CSMD1: variants seen among roughly 807,000 people sequenced by gnomAD.
The protein encoded by CSMD1 is CUB and Sushi multiple domains 1, also known as CUB and sushi domain-containing protein 1.
Under a neutral mutation model 417.5 loss-of-function variants are expected in CSMD1, and 213 were observed. The observed-to-expected ratio is 0.51, with a 90% CI of 0.46 to 0.57. The LOEUF (loss-of-function observed/expected upper bound fraction) is 0.57, where lower values mean the gene tolerates loss of function less well. Ranked by LOEUF, CSMD1 falls within the 20% of genes least tolerant of loss-of-function variation. CSMD1 has a pLI of 0.00. For synonymous variants in CSMD1, 2,862 were observed against 1,736.8 expected (o/e 1.65, Z -16.11); for missense variants, 6,923 against 4,529.7 (o/e 1.53, Z -15.17).
intron 49 of CSMD1, among the ~76,000 whole-genome samples, chr8:3,080,630 C>A (rs891589220): frequency 6.6e-6 from 1 of 152,176 alleles, no homozygotes; most frequent in Non-Finnish European, 1.5e-5. Flanking sequence ...CCACTTTGAA[C>A]CCCACAATTC....
At chr8:4,306,747 C>G (rs1367842544) in intron 3 of CSMD1, among the ~76,000 whole-genome samples, 2 of 152,092 alleles carry the variant, frequency 1.3e-5, no homozygotes, top group African/African-American at 4.8e-5. Context: ...CCGACCGCAG[C>G]AGGGTAGTGT....
intron 12 of CSMD1, among the ~76,000 whole-genome samples, chr8:3,422,893 G>A (rs1379516810): frequency 2.0e-5 from 3 of 152,136 alleles, no homozygotes; most frequent in Non-Finnish European, 4.4e-5. Flanking sequence ...TCCAGAGGGA[G>A]GAACACTGTC....
intron 6 of CSMD1, among the ~76,000 whole-genome samples, chr8:3,748,784 C>G (rs1403365061): frequency 6.6e-6 from 1 of 152,148 alleles, no homozygotes. Flanking sequence ...GTATAAAGGT[C>G]TTCATTTTAA....
chr8:3,897,919 T>C (rs909955267), intron 5 of CSMD1, among the ~76,000 whole-genome samples: 9 of 152,182 alleles, frequency 5.9e-5, no homozygotes, highest in Non-Finnish European at 1.0e-4. Flanking sequence ...GATGATACAG[T>C]GTATGTTTAG....
Position 4,045,188 on chromosome 8 carries a change from C to G in CSMD1, c.416-13089G>C, listed in dbSNP as rs74614073. Among the ~76,000 whole-genome samples, 1,224 of 152,216 alleles carry G rather than the reference C, an allele frequency of 8.0e-3. 18 individuals carry two copies. The highest frequency in any genetic ancestry group is 0.027 in the African/African-American group (1,116 of 41,544). On this transcript the variant is annotated intron_variant, in intron 3 of 69. Coordinates refer to ENST00000635120, the MANE Select transcript of CSMD1 (RefSeq NM_033225.6). The stretch of plus-strand genomic sequence containing the variant: ...GGCTGGGGTACCGGGTGCTGAGGTA[C>G]TCATCTCTGAGGAACCCACAATGTG...
At chr8:3,421,216 G>A (rs188820232) in intron 12 of CSMD1, among the ~76,000 whole-genome samples, 1 of 152,180 alleles carries the variant, frequency 6.6e-6, no homozygotes, top group African/African-American at 2.4e-5. Context: ...GGAGGAAAAT[G>A]CAGAGTCATT....
At chr8:3,591,481 CAT>C (rs2117026899) in intron 8 of CSMD1, among the ~76,000 whole-genome samples, 1 of 152,250 alleles carries the variant, frequency 6.6e-6, no homozygotes. Flanking sequence ...ACATTGGTAT[CAT>C]AACTATTTTT....
intron 36 of CSMD1, among the ~76,000 whole-genome samples, chr8:3,186,548 A>C (rs978070495): frequency 2.0e-5 from 3 of 152,192 alleles, no homozygotes; most frequent in African/African-American, 4.8e-5. Flanking sequence ...TCTTTGAACC[A>C]TTTGAAGTGA....
chr8:3,029,304 TC>T lies in CSMD1; in HGVS notation c.7855+14del, dbSNP rs756797388. ...GGATGCCGTGACTTTCAGGGGTGCC[TC>T]CCTCATCACTTACCTCGACAGCTTG... On this transcript the variant is annotated intron_variant, in intron 51 of 69. Transcript: ENST00000635120. 1 of 1,589,420 alleles carries T rather than the reference TC, an allele frequency of 6.3e-7. No homozygotes were observed. The highest frequency in any genetic ancestry group is 8.6e-7 in the Non-Finnish European group (1 of 1,167,476).
At chr8:4,909,259 GTCTTTTAGTGA>G (rs1378676632) in intron 1 of CSMD1, among the ~76,000 whole-genome samples, 1 of 152,084 alleles carries the variant, frequency 6.6e-6, no homozygotes, top group Non-Finnish European at 1.5e-5. Context: ...CTAGCTGTGA[GTCTTTTAGTGA>G]TCCTGTGTTT....
At chr8:3,838,667 AATT>A (rs1318568079) in intron 5 of CSMD1, among the ~76,000 whole-genome samples, 7 of 111,884 alleles carry the variant, frequency 6.3e-5, no homozygotes, top group African/African-American at 2.3e-4. Flanking sequence ...ATATATAATA[AATT>A]AATATTATAT....
chr8:3,098,853 C>T (rs1815531444), intron 46 of CSMD1, among the ~76,000 whole-genome samples: 1 of 152,030 alleles, frequency 6.6e-6, no homozygotes, highest in Non-Finnish European at 1.5e-5. Context: ...AATAATAGCT[C>T]CCCCTCAGGG....
At chr8:3,853,103 C>T (rs1009899272) in intron 5 of CSMD1, among the ~76,000 whole-genome samples, 7 of 152,164 alleles carry the variant, frequency 4.6e-5, no homozygotes, top group African/African-American at 1.7e-4. Flanking sequence ...CCTCATCATT[C>T]TTGATCCAAA....
intron 12 of CSMD1, among the ~76,000 whole-genome samples, chr8:3,435,270 C>G (rs75469964): frequency 0.052 from 7,826 of 149,602 alleles, 256 homozygotes; most frequent in East Asian, 0.16. Context: ...TGTGTTTTCA[C>G]TGCACATATT....
intron 26 of CSMD1, among the ~76,000 whole-genome samples, chr8:3,262,807 A>T (rs527993468): frequency 6.6e-6 from 1 of 152,236 alleles, no homozygotes; most frequent in Non-Finnish European, 1.5e-5. Flanking sequence ...ATGTATACCT[A>T]TTAAACATAA....
intron 3 of CSMD1, among the ~76,000 whole-genome samples, chr8:4,253,086 T>C (rs1251126679): frequency 2.6e-5 from 4 of 152,216 alleles, no homozygotes; most frequent in Non-Finnish European, 5.9e-5. Flanking sequence ...AGGAAAAAGA[T>C]TCTGGCAAAA....
chr8:4,565,255 C>T (rs897737152), intron 2 of CSMD1, among the ~76,000 whole-genome samples: 2 of 152,102 alleles, frequency 1.3e-5, no homozygotes, highest in African/African-American at 4.8e-5. Flanking sequence ...GCCTCATTCA[C>T]AATAGTGTGC....
In CSMD1 at chr8:3,882,098, G is replaced by A. The variant is rs140941604; in HGVS notation, c.818+115805C>T. Among the ~76,000 whole-genome samples the A allele has an allele frequency of 1.5e-3, 223 of 151,980 alleles. 1 individual carries two copies. Among genetic ancestry groups the A allele is most frequent in the African/African-American group, 5.3e-3 (218 of 41,444 alleles). On this transcript the variant is annotated intron_variant, in intron 5 of 69. Coordinates refer to ENST00000635120, the MANE Select transcript of CSMD1 (RefSeq NM_033225.6). Reference sequence around the variant, plus strand: ...AAACATATTAAATTTAAGAAATTCTGGTCAAACCATTAGCCAGAAAGTGAG... The same window carrying A: ...AAACATATTAAATTTAAGAAATTCTAGTCAAACCATTAGCCAGAAAGTGAG...
chr8:4,640,455 C>T (rs1389682480), intron 1 of CSMD1, among the ~76,000 whole-genome samples: 1 of 152,098 alleles, frequency 6.6e-6, no homozygotes. Flanking sequence ...AATAGAAAGC[C>T]ATAAAATCCA....
Sources: gnomAD v4.1 joint callset for allele counts (sites outside exome capture counted in the v4.1 genomes callset) on GRCh38, gnomAD v4.1.1 for gene constraint, MANE v1.5 for transcripts, NCBI Gene and HGNC (gene_info 2026-07-23, HGNC 2026-07-21) for gene names.